GLRA2: variants seen among roughly 807,000 people sequenced by gnomAD.
GLRA2 encodes glycine receptor alpha 2.
GLRA2 carries 11 observed loss-of-function variants against 31.6 expected under a neutral mutation model. The ratio of observed to expected loss-of-function variants is 0.35; its 90% CI spans 0.22 to 0.58. The LOEUF is 0.58. Ranked by LOEUF, GLRA2 falls within the 20% of genes least tolerant of loss-of-function variation. The pLI is 0.84. For missense variants in GLRA2, 212 were observed against 351.8 expected (o/e 0.60, Z 3.18); for synonymous variants, 132 against 134.0 (o/e 0.99, Z 0.10).
the GLRA2 span, among the ~76,000 whole-genome samples, chrX:14,504,254 A>G: frequency 8.9e-6 from 1 of 112,013 alleles, no homozygotes; most frequent in African/African-American, 3.2e-5. Flanking sequence ...CAAAAACACT[A>G]TGATCTTTCA....
chrX:14,605,116 G>A (rs1289389333), intron 5 of GLRA2, among the ~76,000 whole-genome samples: 1 of 111,666 alleles, frequency 9.0e-6, no homozygotes, highest in Non-Finnish European at 1.9e-5. Flanking sequence ...TAAGAGATAT[G>A]AATTTCTTTC....
chrX:14,555,360 G>C (rs1215643124), intron 2 of GLRA2, among the ~76,000 whole-genome samples: 1 of 111,812 alleles, frequency 8.9e-6, no homozygotes, highest in East Asian at 2.8e-4. Context: ...GAGGAAATGG[G>C]AGCCCAGAGT....
chrX:14,637,325 T>C (rs900674275), intron 7 of GLRA2, among the ~76,000 whole-genome samples: 1 of 111,855 alleles, frequency 8.9e-6, no homozygotes, highest in African/African-American at 3.2e-5. Context: ...GGTGGGGAAC[T>C]ATGGGGGAGG....
chrX:14,641,017 T>C (rs1200358221), intron 7 of GLRA2, among the ~76,000 whole-genome samples: 1 of 111,383 alleles, frequency 9.0e-6, no homozygotes, highest in Non-Finnish European at 1.9e-5. Context: ...TCCACATCCA[T>C]GTCAACACTC....
intron 2 of GLRA2, among the ~76,000 whole-genome samples, chrX:14,546,451 A>G (rs936077169): frequency 9.0e-6 from 1 of 111,482 alleles, no homozygotes; most frequent in Non-Finnish European, 1.9e-5. Flanking sequence ...CTTTCCGCAG[A>G]GTGTATGAAT....
the GLRA2 span, among the ~76,000 whole-genome samples, chrX:14,453,519 A>G: frequency 8.9e-6 from 1 of 112,101 alleles, no homozygotes; most frequent in African/African-American, 3.2e-5. Context: ...TAGTAAAAAT[A>G]GTGACCCATC....
At chrX:14,679,255 G>C (rs1487063845) in intron 7 of GLRA2, among the ~76,000 whole-genome samples, 1 of 110,396 alleles carries the variant, frequency 9.1e-6, no homozygotes, top group Non-Finnish European at 1.9e-5. Context: ...ATGTCCCAAA[G>C]AGAGTAAGGA....
In GLRA2 at chrX:14,529,758, C is replaced by T; in HGVS notation, c.-300C>T. On this transcript the variant is annotated 5_prime_UTR_variant, in exon 1 of 9. The change creates a premature stop within an existing upstream ORF in the 5' untranslated region. Transcript: ENST00000218075. ...CACCAACTCCCTTTGCATGGTGATG[C>T]GATTAAGGTAGCAGCATTTTTATTA... 1 of 327,625 alleles carries T rather than the reference C, an allele frequency of 3.1e-6. No individual in the cohort carries two copies. Among genetic ancestry groups the T allele is most frequent in the Non-Finnish European group, 5.3e-6 (1 of 190,193 alleles). The allele number at this position is 327,625 out of a possible 1,213,427, so 27.0% of individuals were successfully genotyped here.
At chrX:14,573,579 T>A (rs1292949957) in intron 2 of GLRA2, among the ~76,000 whole-genome samples, 2 of 110,537 alleles carry the variant, frequency 1.8e-5, no homozygotes, top group African/African-American at 6.6e-5. Context: ...GACAGTGATT[T>A]ACCTACTGAC....
At chrX:14,596,680 G>C (rs1211612307) in intron 4 of GLRA2, among the ~76,000 whole-genome samples, 1 of 111,206 alleles carries the variant, frequency 9.0e-6, no homozygotes, top group Non-Finnish European at 1.9e-5. Flanking sequence ...TCCCAAAGGA[G>C]TGCTACTGTT....
chrX:14,730,133 TAAAGAATTTTA>T lies in GLRA2; in HGVS notation c.1081-72_1081-62del, dbSNP rs1009625447. On this transcript the variant is annotated intron_variant, in intron 8 of 8. Transcript: ENST00000218075. ...TAACTGTGATTTATCCTTTTACTTC[TAAAGAATTTTA>T]AGCATCTTCCATCTAACTTGACTGA... 7.6e-6 allele frequency: 6 copies of T among 786,207 alleles called. No homozygotes were observed. In the African/African-American group the frequency reaches 1.2e-4, roughly 16 times the overall value. The allele number at this position is 786,207 out of a possible 1,213,427, so 64.8% of individuals were successfully genotyped here.
chrX:14,722,558 G>C lies in GLRA2; in HGVS notation c.1081-7649G>C. On this transcript the variant is annotated intron_variant, in intron 8 of 8. Coordinates refer to ENST00000218075, the MANE Select transcript of GLRA2 (RefSeq NM_002063.4). ...TACAGACCCCATGTCTCAATGGAAA[G>C]AGTGTCAATGATAATACTGTTAAGA... 2.7e-5 allele frequency among the ~76,000 whole-genome samples: 3 copies of C among 111,885 alleles called. 1 individual carries two copies. In the Admixed American group the frequency reaches 2.9e-4, roughly 11 times the overall value.
At chrX:14,590,898 G>A (rs778797305) in intron 4 of GLRA2, among the ~76,000 whole-genome samples, 52 of 111,872 alleles carry the variant, frequency 4.6e-4, no homozygotes, top group African/African-American at 1.6e-3. Flanking sequence ...TCCTAGAGGC[G>A]AGCAAGGTCG....
At chrX:14,584,035 A>C (rs749835374) in intron 4 of GLRA2, among the ~76,000 whole-genome samples, 1 of 111,157 alleles carries the variant, frequency 9.0e-6, no homozygotes, top group Non-Finnish European at 1.9e-5. Context: ...AACAACAGAC[A>C]CTGGGACCTA....
chrX:14,620,415 C>A (rs997921678), intron 7 of GLRA2, among the ~76,000 whole-genome samples: 8 of 110,310 alleles, frequency 7.3e-5, no homozygotes, highest in Non-Finnish European at 1.5e-4. Context: ...ACCAAAGGTA[C>A]AGCCCCACAC....
intron 7 of GLRA2, among the ~76,000 whole-genome samples, chrX:14,664,872 T>C (rs2091024176): frequency 9.0e-6 from 1 of 111,278 alleles, no homozygotes; most frequent in African/African-American, 3.3e-5. Context: ...ACATTGGAGG[T>C]GTCCGGCAAA....
chrX:14,527,597 G>A (rs2089194220), upstream of GLRA2, among the ~76,000 whole-genome samples: 1 of 107,376 alleles, frequency 9.3e-6, no homozygotes, highest in African/African-American at 3.4e-5. Flanking sequence ...CCCGGTGACA[G>A]AGTGAGACTC....
the GLRA2 span, among the ~76,000 whole-genome samples, chrX:14,466,931 G>A: frequency 4.5e-5 from 5 of 111,636 alleles, no homozygotes; most frequent in Admixed American, 9.5e-5. Flanking sequence ...GGTTCCACAT[G>A]GGGAAATGAA....
At chrX:14,674,804 C>G (rs1243331284) in intron 7 of GLRA2, among the ~76,000 whole-genome samples, 1 of 109,868 alleles carries the variant, frequency 9.1e-6, no homozygotes, top group African/African-American at 3.3e-5. Flanking sequence ...CACACACACT[C>G]TCTGACTACA....
Sources: allele counts gnomAD v4.1 joint callset (sites outside exome capture counted in the v4.1 genomes callset), GRCh38; gene constraint gnomAD v4.1.1; transcripts MANE v1.5; gene names NCBI Gene and HGNC (gene_info 2026-07-23, HGNC 2026-07-21).